CDK19: variants seen among roughly 807,000 people sequenced by gnomAD.
CDK19 encodes the protein cyclin dependent kinase 19, also known as cyclin-dependent kinase 19.
CDK19 carries 20 observed loss-of-function variants against 68.3 expected under a neutral mutation model. That is an observed-to-expected ratio of 0.29 (90% confidence interval 0.21 to 0.43). CDK19 has a LOEUF of 0.43. Ranked by LOEUF, CDK19 falls within the 20% of genes least tolerant of loss-of-function variation. CDK19 has a pLI of 1.00. For synonymous variants in CDK19, 221 were observed against 222.8 expected, an observed-to-expected ratio of 0.99 and a Z score of 0.07; for missense variants, 339 against 623.5, an observed-to-expected ratio of 0.54 and a Z score of 4.86.
intron 2 of CDK19, among the ~76,000 whole-genome samples, chr6:110,726,483 A>G (rs1389642527): frequency 6.6e-6 from 1 of 152,184 alleles, no homozygotes; most frequent in Non-Finnish European, 1.5e-5. Flanking sequence ...AATAATTGAT[A>G]TACAAGTAAT....
intron 1 of CDK19, among the ~76,000 whole-genome samples, chr6:110,810,465 G>A (rs1002821906): frequency 2.0e-5 from 3 of 152,040 alleles, no homozygotes; most frequent in African/African-American, 7.2e-5. Flanking sequence ...TGAGGATGAA[G>A]AAAAAAACAG....
At chr6:110,627,701 G>A (rs1779178381) in intron 6 of CDK19, among the ~76,000 whole-genome samples, 1 of 151,988 alleles carries the variant, frequency 6.6e-6, no homozygotes, top group African/African-American at 2.4e-5. Context: ...TTGTTTTGTA[G>A]AGACAAGGTC....
In CDK19 at chr6:110,637,842, C is replaced by T. The variant is rs1040039052; in HGVS notation, c.514+807G>A. Among the ~76,000 whole-genome samples the T allele has an allele frequency of 1.6e-4, 25 of 152,140 alleles. 1 individual carries two copies. Among genetic ancestry groups the T allele is most frequent in the South Asian group, 1.5e-3 (7 of 4,804 alleles). On this transcript the variant is annotated intron_variant, in intron 5 of 12. Transcript: ENST00000368911. ...TAAATACACAAAAAAATTAGCCAGG[C>T]GTGGTGGCGGGAGCCTGTAGTCCCA...
intron 2 of CDK19, among the ~76,000 whole-genome samples, chr6:110,683,948 A>G (rs113531960): frequency 8.6e-5 from 13 of 151,040 alleles, no homozygotes; most frequent in African/African-American, 3.2e-4. Flanking sequence ...ACCTCAGGTG[A>G]TCCACCTGCC....
At chr6:110,756,060 A>G (rs1778817032) in intron 1 of CDK19, among the ~76,000 whole-genome samples, 1 of 152,140 alleles carries the variant, frequency 6.6e-6, no homozygotes, top group Non-Finnish European at 1.5e-5. Flanking sequence ...GGAGTTCAAG[A>G]CCAGCCTGGG....
At chr6:110,789,827 T>C (rs1018519750) in intron 1 of CDK19, among the ~76,000 whole-genome samples, 1 of 152,246 alleles carries the variant, frequency 6.6e-6, no homozygotes, top group African/African-American at 2.4e-5. Flanking sequence ...CTTAATTTTT[T>C]CCATATTTCT....
At chr6:110,707,104 A>T (rs1774575245) in intron 2 of CDK19, among the ~76,000 whole-genome samples, 1 of 151,786 alleles carries the variant, frequency 6.6e-6, no homozygotes, top group Non-Finnish European at 1.5e-5. Context: ...TGAGGTCAGG[A>T]GTTTGAGACC....
At chr6:110,671,534 A>G (rs369818616) in intron 2 of CDK19, among the ~76,000 whole-genome samples, 65 of 152,358 alleles carry the variant, frequency 4.3e-4, no homozygotes, top group Middle Eastern at 3.4e-3. Flanking sequence ...CTTAATCTTT[A>G]GAACAATTTT....
chr6:110,664,760 C>T (rs1173501615), intron 4 of CDK19, among the ~76,000 whole-genome samples: 2 of 151,898 alleles, frequency 1.3e-5, no homozygotes, highest in East Asian at 3.9e-4. Context: ...AGATAAATGC[C>T]ATAACAGAAG....
chr6:110,614,332 C>T lies in CDK19; in HGVS notation c.*203G>A. 1 of 443,126 alleles carries T rather than the reference C, an allele frequency of 2.3e-6. No homozygotes were observed. The highest frequency in any genetic ancestry group is 3.5e-5 in the Admixed American group (1 of 28,864). The allele number at this position is 443,126 out of a possible 1,614,324, so 27.4% of individuals were successfully genotyped here. On this transcript the variant is annotated 3_prime_UTR_variant, in exon 13 of 13. Coordinates refer to ENST00000368911, the MANE Select transcript of CDK19 (RefSeq NM_015076.5). ...ATGGAACACATGCAGGGAAGGGGTG[C>T]TGGGGAAACTTCACAAGAATCTTCT...
At chr6:110,650,004 T>TA (rs1056614813) in intron 4 of CDK19, among the ~76,000 whole-genome samples, 8 of 152,112 alleles carry the variant, frequency 5.3e-5, no homozygotes, top group African/African-American at 1.9e-4. Context: ...TACAATTTTT[T>TA]AAAAAAATTG....
rs1779090265 is a variant in CDK19 at position 110,626,394 on chromosome 6, C to G, written c.860+382G>C. ...AATTACTACCTATAATTAATGTACA[C>G]TATGGTTTGAATGTTTATGTCCCCT... On this transcript the variant is annotated intron_variant, in intron 8 of 12. Coordinates refer to ENST00000368911, the MANE Select transcript of CDK19 (RefSeq NM_015076.5). Among the ~76,000 whole-genome samples the G allele has an allele frequency of 2.0e-5, 3 of 152,138 alleles. No individual in the cohort carries two copies. In the South Asian group the frequency reaches 6.2e-4, roughly 31 times the overall value.
chr6:110,646,712 A>G (rs1780612523), intron 4 of CDK19, among the ~76,000 whole-genome samples: 2 of 152,080 alleles, frequency 1.3e-5, no homozygotes, highest in South Asian at 4.2e-4. Context: ...CATCATCCCT[A>G]TCGATGCAGT....
At chr6:110,713,479 A>AAG in intron 2 of CDK19, among the ~76,000 whole-genome samples, 1 of 224 alleles carries the variant, frequency 4.5e-3, no homozygotes, top group East Asian at 0.12. Context: ...CTCTTGTCTC[A>AAG]AAAAAAAAAA....
At chr6:110,727,175 A>G (rs1227718701) in intron 2 of CDK19, among the ~76,000 whole-genome samples, 1 of 152,184 alleles carries the variant, frequency 6.6e-6, no homozygotes, top group Non-Finnish European at 1.5e-5. Context: ...ATTATTACAT[A>G]CAAAAGATTC....
chr6:110,789,526 C>T (rs1781454729), intron 1 of CDK19, among the ~76,000 whole-genome samples: 1 of 152,160 alleles, frequency 6.6e-6, no homozygotes, highest in African/African-American at 2.4e-5. Flanking sequence ...ATTAATCCGC[C>T]TCGGCCTCCC....
intron 1 of CDK19, among the ~76,000 whole-genome samples, chr6:110,809,990 AG>A (rs1411724828): frequency 6.6e-6 from 1 of 152,210 alleles, no homozygotes; most frequent in African/African-American, 2.4e-5. Context: ...TGAGTTTTAC[AG>A]GTTTGTAAGG....
At chr6:110,687,886 T>C (rs184021092) in intron 2 of CDK19, among the ~76,000 whole-genome samples, 58 of 152,314 alleles carry the variant, frequency 3.8e-4, no homozygotes, top group Admixed American at 1.0e-3. Context: ...AATCTGAAAG[T>C]AAGCTTTCCT....
At chr6:110,704,615 T>C (rs1343726185) in intron 2 of CDK19, among the ~76,000 whole-genome samples, 1 of 152,228 alleles carries the variant, frequency 6.6e-6, no homozygotes. Flanking sequence ...TACACTTATA[T>C]TAACTATTTG....
Sources: gnomAD v4.1 joint callset for allele counts (sites outside exome capture counted in the v4.1 genomes callset) on GRCh38, gnomAD v4.1.1 for gene constraint, MANE v1.5 for transcripts, NCBI Gene and HGNC (gene_info 2026-07-23, HGNC 2026-07-21) for gene names.